ERGIC1: variants seen among roughly 807,000 people sequenced by gnomAD.
ERGIC1 encodes endoplasmic reticulum-Golgi intermediate compartment protein 1.
A neutral mutation model predicts 38.3 loss-of-function variants in ERGIC1; 19 were observed. The observed-to-expected ratio is 0.50, with a 90% CI of 0.35 to 0.73. ERGIC1 has a LOEUF of 0.73. ERGIC1 is among the 30% of genes least tolerant of loss of function. The pLI, the probability that ERGIC1 is intolerant of heterozygous loss-of-function variation, is 0.01. For missense variants in ERGIC1, 294 were observed against 389.2 expected (o/e 0.76, Z 2.06); for synonymous variants, 124 against 157.6 (o/e 0.79, Z 1.60).
At chr5:172,840,020 A>G (rs979111385) in intron 1 of ERGIC1, among the ~76,000 whole-genome samples, 4 of 152,210 alleles carry the variant, frequency 2.6e-5, no homozygotes, top group African/African-American at 4.8e-5. Context: ...CTCACCCAAC[A>G]GTGCTCATTA....
At position 172,846,408 on chromosome 5, in the gene ERGIC1, C is replaced by G. The variant is rs1344917768; in HGVS notation, c.20+11975C>G. ...GGGCAGGAGAAGGAGCTTGTAAGAA[C>G]CCATTGTCCTCCCTGGCCTGCCCCT... On this transcript the variant is annotated intron_variant, in intron 1 of 9. Transcript: ENST00000393784. This position sits in a 1 kb window ranked among gnomAD's most constrained non-coding sequence, Gnocchi z 4.0. Among the ~76,000 whole-genome samples, 4 of 152,200 alleles carry G rather than the reference C, an allele frequency of 2.6e-5. No individual in the cohort carries two copies. The highest frequency in any genetic ancestry group is 5.9e-5 in the Non-Finnish European group (4 of 68,032).
chr5:172,899,087 G>T (rs1055313144), intron 3 of ERGIC1, among the ~76,000 whole-genome samples: 2 of 152,168 alleles, frequency 1.3e-5, no homozygotes, highest in African/African-American at 2.4e-5. Context: ...GCACACATGT[G>T]TCATCTGCTG....
chr5:172,916,160 T>A (rs1211520691), intron 5 of ERGIC1: 1 of 152,822 alleles, frequency 6.5e-6, no homozygotes, highest in African/African-American at 2.4e-5. Context: ...GTGGACTTCT[T>A]ACGTGACAGT....
intron 1 of ERGIC1, among the ~76,000 whole-genome samples, chr5:172,852,049 C>CTGTCAGTGA (rs1761422150): frequency 1.3e-5 from 2 of 151,494 alleles, no homozygotes; most frequent in South Asian, 4.2e-4. Context: ...GTGATCAGGC[C>CTGTCAGTGA]TCTACCTGTC....
chr5:172,925,094 C>T (rs371057417), intron 6 of ERGIC1, among the ~76,000 whole-genome samples: 3 of 151,918 alleles, frequency 2.0e-5, no homozygotes, highest in Admixed American at 1.3e-4. Flanking sequence ...AAAAATTAGC[C>T]GGGCGTGGTG....
chr5:172,901,679 A>G (rs1188681747), intron 3 of ERGIC1, among the ~76,000 whole-genome samples: 5 of 152,180 alleles, frequency 3.3e-5, no homozygotes, highest in African/African-American at 7.2e-5. Context: ...TTATGGCTTA[A>G]TGTAGCCTCG....
At position 172,893,992 on chromosome 5, in the gene ERGIC1, G is replaced by A. The variant is rs1762652840; in HGVS notation, c.83-3010G>A. Reference sequence around the variant, plus strand: ...GGATGGACACATGAAACTGTAACAGGGAATCGGGGGCTGCAGATCAGGAGA... The same window carrying A: ...GGATGGACACATGAAACTGTAACAGAGAATCGGGGGCTGCAGATCAGGAGA... On this transcript the variant is annotated intron_variant, in intron 2 of 9. Coordinates refer to ENST00000393784, the MANE Select transcript of ERGIC1 (RefSeq NM_001031711.3). Among the ~76,000 whole-genome samples the A allele has an allele frequency of 2.4e-5, 3 of 125,986 alleles. No homozygotes were observed. In the Admixed American group the frequency reaches 2.5e-4, roughly 11 times the overall value. The allele number at this position is 125,986 out of a possible 152,430, so 82.7% of individuals were successfully genotyped here. A position where few individuals can be genotyped will look rare whatever the true frequency, so the allele number is the denominator to read the frequency against.
intron 3 of ERGIC1, among the ~76,000 whole-genome samples, chr5:172,906,527 G>A (rs1172332450): frequency 6.6e-6 from 1 of 152,098 alleles, no homozygotes; most frequent in African/African-American, 2.4e-5. Context: ...GAAGCCCCAG[G>A]TGTCTTTTCA....
intron 2 of ERGIC1, among the ~76,000 whole-genome samples, chr5:172,890,476 C>T (rs1762530626): frequency 6.6e-6 from 1 of 152,232 alleles, no homozygotes; most frequent in African/African-American, 2.4e-5. Context: ...TTCAATTCTT[C>T]ATTTTGACAA....
At chr5:172,852,298 G>T (rs1434646817) in intron 1 of ERGIC1, among the ~76,000 whole-genome samples, 9 of 152,196 alleles carry the variant, frequency 5.9e-5, no homozygotes, top group Non-Finnish European at 1.2e-4. Context: ...GTCTGCCCAG[G>T]TGCCCTCTGT....
At position 172,846,066 on chromosome 5, in the gene ERGIC1, C is replaced by T. The variant is rs992172062; in HGVS notation, c.20+11633C>T. Among the ~76,000 whole-genome samples the T allele has an allele frequency of 6.6e-6, 1 of 152,180 alleles. No individual in the cohort carries two copies. Among genetic ancestry groups the T allele is most frequent in the Admixed American group, 6.5e-5 (1 of 15,282 alleles). On this transcript the variant is annotated intron_variant, in intron 1 of 9. Transcript: ENST00000393784. The surrounding 1 kb of genome is among the most constrained non-coding windows in gnomAD (Gnocchi z 4.0). Reference sequence around the variant, plus strand: ...GGACAGGGTTATGGTTTTGGGGAAGCATCCCCAGAGGTGAAGCGCCCTTCT... The same window carrying T: ...GGACAGGGTTATGGTTTTGGGGAAGTATCCCCAGAGGTGAAGCGCCCTTCT...
At chr5:172,845,944 TC>T (rs1761273862) in intron 1 of ERGIC1, among the ~76,000 whole-genome samples, 1 of 152,008 alleles carries the variant, frequency 6.6e-6, no homozygotes, top group Non-Finnish European at 1.5e-5. Flanking sequence ...TCTCGGTCGG[TC>T]CCTGTTTTCT....
intron 1 of ERGIC1, among the ~76,000 whole-genome samples, chr5:172,879,556 A>T (rs191438241): frequency 1.3e-5 from 2 of 152,138 alleles, no homozygotes; most frequent in African/African-American, 2.4e-5. Context: ...TCTTTTCCCT[A>T]TGGGTTCCTT....
chr5:172,864,970 T>C (rs909100740), intron 1 of ERGIC1, among the ~76,000 whole-genome samples: 5 of 151,700 alleles, frequency 3.3e-5, no homozygotes, highest in Non-Finnish European at 7.4e-5. Flanking sequence ...GTGTATCTGC[T>C]GCAAAGCCTT....
intron 1 of ERGIC1, among the ~76,000 whole-genome samples, chr5:172,879,045 A>G (rs941551038): frequency 3.3e-5 from 5 of 152,164 alleles, no homozygotes; most frequent in African/African-American, 1.2e-4. Context: ...AATGGCATCT[A>G]ATTTCATTAA....
chr5:172,900,173 G>A (rs1762833027), intron 3 of ERGIC1, among the ~76,000 whole-genome samples: 1 of 152,206 alleles, frequency 6.6e-6, no homozygotes, highest in African/African-American at 2.4e-5. Context: ...ACAGCTTGAG[G>A]CTCGAGCAGG....
intron 1 of ERGIC1, among the ~76,000 whole-genome samples, chr5:172,850,005 C>T (rs1360102238): frequency 1.3e-5 from 2 of 152,084 alleles, no homozygotes; most frequent in East Asian, 3.8e-4. Context: ...GTGAGAGAAC[C>T]GAGGTGGCGT....
At chr5:172,911,758 C>A (rs1763213009) in intron 4 of ERGIC1, among the ~76,000 whole-genome samples, 1 of 152,160 alleles carries the variant, frequency 6.6e-6, no homozygotes, top group South Asian at 2.1e-4. Context: ...GATCTCATAT[C>A]CTGCTTTTAA....
intron 1 of ERGIC1, among the ~76,000 whole-genome samples, chr5:172,879,591 C>T (rs944045439): frequency 3.9e-5 from 6 of 152,246 alleles, no homozygotes; most frequent in East Asian, 1.9e-4. Context: ...TCCAAGTGAG[C>T]GCTGCCTTCT....
Sources: gnomAD v4.1 joint callset for allele counts (sites outside exome capture counted in the v4.1 genomes callset) on GRCh38, gnomAD v4.1.1 for gene constraint, Gnocchi (gnomAD v3.1) non-coding constraint, MANE v1.5 for transcripts, NCBI Gene and HGNC (gene_info 2026-07-23, HGNC 2026-07-21) for gene names.